SOBP: variants seen among roughly 807,000 people sequenced by gnomAD.
SOBP encodes sine oculis-binding protein homolog.
SOBP carries 4 observed loss-of-function variants against 53.6 expected under a neutral mutation model. The ratio of observed to expected loss-of-function variants is 0.07; its 90% CI spans 0.04 to 0.17. The LOEUF (loss-of-function observed/expected upper bound fraction) is 0.17. Among genes scored for constraint, SOBP ranks in the 10% least tolerant of loss-of-function variants. The pLI is 1.00. For synonymous variants in SOBP, 584 were observed against 522.6 expected (o/e 1.12, Z -1.60); for missense variants, 1,088 against 1,204.7 (o/e 0.90, Z 1.43).
In SOBP at chr6:107,647,039, C is replaced by T. The variant is rs117081554; in HGVS notation, c.*4-11168C>T. Among the ~76,000 whole-genome samples, 392 of 152,276 alleles carry T rather than the reference C, an allele frequency of 2.6e-3. 2 individuals are homozygous for T. Among genetic ancestry groups the T allele is most frequent in the Non-Finnish European group, 4.3e-3 (291 of 68,022 alleles). ...TTAGAAAGGATGCATTGCCTAAGGACAGAGCTTGGGGCTGGAGTGAGACCT... is the reference window on the plus strand; with the variant it reads ...TTAGAAAGGATGCATTGCCTAAGGATAGAGCTTGGGGCTGGAGTGAGACCT... On this transcript the variant is annotated intron_variant, in intron 6 of 6. Coordinates refer to ENST00000317357, the MANE Select transcript of SOBP (RefSeq NM_018013.4).
intron 5 of SOBP, among the ~76,000 whole-genome samples, chr6:107,610,856 G>GAA (rs144163865): frequency 0.028 from 4,192 of 152,110 alleles, 196 homozygotes; most frequent in African/African-American, 0.095. Context: ...GAAGGCAATT[G>GAA]AATACTTGCC....
At chr6:107,586,017 C>T (rs1489471399) in intron 4 of SOBP, among the ~76,000 whole-genome samples, 6 of 152,186 alleles carry the variant, frequency 3.9e-5, no homozygotes, top group Admixed American at 3.9e-4. Flanking sequence ...GCCAGACATA[C>T]ATTTTATCTA....
At chr6:107,514,139 C>T (rs1783249715) in intron 3 of SOBP, 2 of 152,440 alleles carry the variant, frequency 1.3e-5, no homozygotes, top group Admixed American at 1.3e-4. Context: ...ATGTTCCTTA[C>T]ATTGTGCTAG....
chr6:107,568,030 C>G (rs539529163), intron 4 of SOBP, among the ~76,000 whole-genome samples: 3 of 152,252 alleles, frequency 2.0e-5, no homozygotes, highest in African/African-American at 7.2e-5. Flanking sequence ...GGACTTTATC[C>G]AAGTATGTAA....
intron 5 of SOBP, among the ~76,000 whole-genome samples, chr6:107,592,113 GCTTTT>G: frequency 6.6e-6 from 1 of 151,562 alleles, no homozygotes. Context: ...TATATATTGT[GCTTTT>G]CTTTTCCTGC....
chr6:107,587,365 T>A (rs914346376), intron 5 of SOBP, among the ~76,000 whole-genome samples, 190 bp downstream of exon 5: 1 of 152,230 alleles, frequency 6.6e-6, no homozygotes. Flanking sequence ...ATCTTTTATA[T>A]CTGATTATAG....
chr6:107,588,723 G>A (rs1303560875), intron 5 of SOBP, among the ~76,000 whole-genome samples: 1 of 152,180 alleles, frequency 6.6e-6, no homozygotes, highest in Non-Finnish European at 1.5e-5. Flanking sequence ...GTTTATACTG[G>A]AGGAAGCAAA....
chr6:107,567,828 T>C (rs1332267653), intron 4 of SOBP, among the ~76,000 whole-genome samples: 2 of 152,172 alleles, frequency 1.3e-5, no homozygotes, highest in African/African-American at 2.4e-5. Context: ...AGGTGTGTCT[T>C]TGCCCTGGGA....
intron 5 of SOBP, among the ~76,000 whole-genome samples, chr6:107,592,060 G>C (rs1025978854): frequency 7.1e-6 from 1 of 141,314 alleles, no homozygotes; most frequent in Non-Finnish European, 1.5e-5. Context: ...ACTGGGAATT[G>C]GAGCTTTGGG....
intron 5 of SOBP, among the ~76,000 whole-genome samples, chr6:107,615,964 G>A (rs1382684653): frequency 6.6e-6 from 1 of 151,344 alleles, no homozygotes; most frequent in African/African-American, 2.4e-5. Flanking sequence ...CAAGGCTGCA[G>A]CGAGCTAGGA....
intron 4 of SOBP, among the ~76,000 whole-genome samples, chr6:107,550,899 T>G (rs748020484): frequency 1.8e-4 from 27 of 152,194 alleles, no homozygotes; most frequent in Non-Finnish European, 3.8e-4. Flanking sequence ...AAAAAATGGA[T>G]TTTTGACATC....
intron 5 of SOBP, among the ~76,000 whole-genome samples, chr6:107,609,258 T>C (rs1297610592): frequency 6.6e-6 from 1 of 152,242 alleles, no homozygotes; most frequent in Non-Finnish European, 1.5e-5. Flanking sequence ...ACAGTAACTG[T>C]AAATAGGCAT....
chr6:107,592,108 A>G (rs1168195345), intron 5 of SOBP, among the ~76,000 whole-genome samples: 1 of 151,046 alleles, frequency 6.6e-6, no homozygotes, highest in Admixed American at 6.6e-5. Context: ...TTGGTTATAT[A>G]TTGTGCTTTT....
chr6:107,596,516 A>G (rs776287599), intron 5 of SOBP, among the ~76,000 whole-genome samples: 2 of 152,222 alleles, frequency 1.3e-5, no homozygotes, highest in Non-Finnish European at 2.9e-5. Flanking sequence ...GAGCATTTTA[A>G]TGCTGTTCAC....
intron 2 of SOBP, among the ~76,000 whole-genome samples, chr6:107,505,160 G>T (rs1436447318): frequency 6.6e-6 from 1 of 152,014 alleles, no homozygotes; most frequent in African/African-American, 2.4e-5. Context: ...CTTTCTCATT[G>T]GTTCATGTGA....
intron 4 of SOBP, among the ~76,000 whole-genome samples, chr6:107,550,314 G>C (rs567262627): frequency 5.3e-5 from 8 of 152,202 alleles, no homozygotes; most frequent in Non-Finnish European, 1.2e-4. Context: ...GCTGGGTGCC[G>C]TGGAAATTAG....
chr6:107,573,656 T>C (rs1785142051), intron 4 of SOBP, among the ~76,000 whole-genome samples: 1 of 152,238 alleles, frequency 6.6e-6, no homozygotes, highest in African/African-American at 2.4e-5. Flanking sequence ...AGTGGGCACA[T>C]GGGGTGCTCA....
At chr6:107,641,972 G>A (rs1431204886) in intron 6 of SOBP, among the ~76,000 whole-genome samples, 4 of 152,260 alleles carry the variant, frequency 2.6e-5, no homozygotes, top group Non-Finnish European at 5.9e-5. Context: ...GTATCCTTCC[G>A]TTGCCGTTTT....
intron 3 of SOBP, among the ~76,000 whole-genome samples, chr6:107,517,289 T>C (rs908726107): frequency 3.3e-5 from 5 of 152,206 alleles, no homozygotes; most frequent in Admixed American, 3.3e-4. Context: ...ACAACCAAAA[T>C]TTATTTTCTC....
Sources: allele counts gnomAD v4.1 joint callset (sites outside exome capture counted in the v4.1 genomes callset), GRCh38; gene constraint gnomAD v4.1.1; transcripts MANE v1.5; gene names NCBI Gene and HGNC (gene_info 2026-07-23, HGNC 2026-07-21).